Variants in TLN2 observed in about 807,000 individuals in gnomAD.
TLN2 encodes talin-2.
Under a neutral mutation model 294.7 loss-of-function variants are expected in TLN2, and 118 were observed. The observed-to-expected ratio is 0.40, with a 90% confidence interval of 0.34 to 0.47. TLN2 has a LOEUF of 0.47. Ranked by LOEUF, TLN2 falls within the 20% of genes least tolerant of loss-of-function variation. The pLI, the probability that TLN2 is intolerant of heterozygous loss-of-function variation, is 0.84. For missense variants in TLN2, 3,083 were observed against 3,282.2 expected, an observed-to-expected ratio of 0.94 and a Z score of 1.48; for synonymous variants, 1,431 against 1,304.5, an observed-to-expected ratio of 1.10 and a Z score of -2.09.
Position 62,796,267 on chromosome 15 carries a change from G to C in TLN2, c.6024G>C (p.Glu2008Asp). The C allele has an allele frequency of 6.2e-7, 1 of 1,614,140 alleles. No individual in the cohort carries two copies. Among genetic ancestry groups the C allele is most frequent in the South Asian group, 1.1e-5 (1 of 91,068 alleles). Reference sequence around the variant, plus strand: ...CAACAGCGGGGACGCTGAATGCAGAGAACAGTGAGACCTTCGCAGACCACA... The same window carrying C: ...CAACAGCGGGGACGCTGAATGCAGACAACAGTGAGACCTTCGCAGACCACA... ...MFATAGTLNA[E>D]NSETFADHRE... The change falls in exon 47 of 59, where the codon GAG becomes GAC. Residue 2008 changes from glutamate to aspartate, a missense_variant. By Grantham distance (45) the Glu-to-Asp change is conservative. Coordinates refer to ENST00000636159, the MANE Select transcript of TLN2 (RefSeq NM_015059.3).
intron 14 of TLN2, among the ~76,000 whole-genome samples, chr15:62,697,483 A>G (rs1449262420): frequency 6.6e-6 from 1 of 152,210 alleles, no homozygotes; most frequent in South Asian, 2.1e-4. Flanking sequence ...AATTATTTAC[A>G]TTACTTATCA....
intron 45 of TLN2, among the ~76,000 whole-genome samples, chr15:62,786,969 C>T (rs1326463348): frequency 6.6e-6 from 1 of 152,084 alleles, no homozygotes; most frequent in Admixed American, 6.6e-5. Flanking sequence ...AGTGCAATCA[C>T]AGCTTACTAC....
intron 14 of TLN2, 119 bp downstream of exon 14, chr15:62,694,511 T>C (rs1312528180): frequency 2.2e-5 from 17 of 765,240 alleles, no homozygotes; most frequent in Non-Finnish European, 3.7e-5. Flanking sequence ...CAGCAGATGA[T>C]ATAGTTGAAT....
intron 43 of TLN2, among the ~76,000 whole-genome samples, chr15:62,778,851 C>T (rs572900584): frequency 1.3e-5 from 2 of 152,308 alleles, no homozygotes; most frequent in East Asian, 1.9e-4. Flanking sequence ...TCTACCCTGG[C>T]CTGACATCCA....
At chr15:62,732,971 T>C (rs1388623392) in intron 28 of TLN2, among the ~76,000 whole-genome samples, 1 of 152,158 alleles carries the variant, frequency 6.6e-6, no homozygotes, top group Non-Finnish European at 1.5e-5. Context: ...AATCTTTGGC[T>C]CTGAAACTCA....
intron 3 of TLN2, among the ~76,000 whole-genome samples, chr15:62,626,117 G>A (rs991618034): frequency 1.3e-5 from 2 of 152,192 alleles, no homozygotes; most frequent in African/African-American, 4.8e-5. Context: ...CGATATACAT[G>A]ACAGATTAGC....
chr15:62,685,854 C>T (rs1423800469), intron 11 of TLN2, among the ~76,000 whole-genome samples: 1 of 152,144 alleles, frequency 6.6e-6, no homozygotes, highest in East Asian at 1.9e-4. Context: ...CTCTCCTCCC[C>T]CTGGTCTATC....
chr15:62,654,007 A>G (rs984197609), intron 7 of TLN2, among the ~76,000 whole-genome samples: 1 of 152,194 alleles, frequency 6.6e-6, no homozygotes, highest in Admixed American at 6.5e-5. Context: ...GACACTGAAG[A>G]AGGATTCAGT....
chr15:62,836,406 G>A (rs2069588077), intron 57 of TLN2, among the ~76,000 whole-genome samples: 1 of 152,194 alleles, frequency 6.6e-6, no homozygotes, highest in Admixed American at 6.5e-5. Flanking sequence ...TCTGTGCTTT[G>A]AGAGCCCCTA....
At chr15:62,465,589 C>T (rs991354197) in intron 1 of TLN2, among the ~76,000 whole-genome samples, 11 of 152,180 alleles carry the variant, frequency 7.2e-5, no homozygotes, top group African/African-American at 2.7e-4. Flanking sequence ...GCTGTGTAAA[C>T]AGCTGGAGCC....
At chr15:62,428,313 AATGCACACAGTAAAGGTT>A (rs1475842372) in intron 1 of TLN2, among the ~76,000 whole-genome samples, 11 of 152,302 alleles carry the variant, frequency 7.2e-5, no homozygotes, top group African/African-American at 2.6e-4. Context: ...GAGTCCAGTT[AATGCACACAGTAAAGGTT>A]TCCAACTAGA....
At chr15:62,546,319 A>G (rs1363473201) in intron 1 of TLN2, among the ~76,000 whole-genome samples, 1 of 152,110 alleles carries the variant, frequency 6.6e-6, no homozygotes, top group African/African-American at 2.4e-5. Flanking sequence ...GCTAATCTTC[A>G]TCTGTGTTGG....
chr15:62,448,885 C>G (rs1243120465), intron 1 of TLN2, among the ~76,000 whole-genome samples: 1 of 152,154 alleles, frequency 6.6e-6, no homozygotes. Flanking sequence ...CTTCGAGTTT[C>G]TTCTTTATTT....
chr15:62,508,364 G>A (rs1182998408), intron 1 of TLN2, among the ~76,000 whole-genome samples: 4 of 152,064 alleles, frequency 2.6e-5, no homozygotes, highest in East Asian at 3.9e-4. Context: ...CTACAGGCGC[G>A]TGCCACCACA....
chr15:62,578,150 A>G (rs2044593064), intron 1 of TLN2, among the ~76,000 whole-genome samples: 1 of 152,360 alleles, frequency 6.6e-6, no homozygotes, highest in East Asian at 1.9e-4. Flanking sequence ...GCCACAATAA[A>G]CATTGTATGT....
intron 11 of TLN2, among the ~76,000 whole-genome samples, chr15:62,685,818 T>G (rs1372071603): frequency 1.3e-5 from 2 of 152,242 alleles, no homozygotes; most frequent in African/African-American, 4.8e-5. Flanking sequence ...TCTTTTTCAT[T>G]TTTTATGAGG....
chr15:62,777,073 T>A (rs912509129), intron 43 of TLN2, among the ~76,000 whole-genome samples, 163 bp downstream of exon 43: 1 of 152,208 alleles, frequency 6.6e-6, no homozygotes, highest in African/African-American at 2.4e-5. Flanking sequence ...ATATTATTCT[T>A]TATTATTAAT....
intron 1 of TLN2, among the ~76,000 whole-genome samples, chr15:62,450,911 C>T (rs1297463935): frequency 2.0e-5 from 3 of 151,078 alleles, no homozygotes; most frequent in Admixed American, 6.6e-5. Context: ...GTTGTTTCTC[C>T]GTTTTTGTTC....
At chr15:62,805,220 T>C (rs1002282810) in intron 50 of TLN2, among the ~76,000 whole-genome samples, 3 of 31,442 alleles carry the variant, frequency 9.5e-5, no homozygotes, top group South Asian at 2.2e-3. Flanking sequence ...GCACTGGGAC[T>C]GAGAGTGTAT....
Sources: allele counts gnomAD v4.1 joint callset (sites outside exome capture counted in the v4.1 genomes callset), GRCh38; gene constraint gnomAD v4.1.1; transcripts MANE v1.5; gene names NCBI Gene and HGNC (gene_info 2026-07-23, HGNC 2026-07-21).